PALM2AKAP2: variants seen among roughly 807,000 people sequenced by gnomAD.
PALM2AKAP2 encodes the protein PALM2 and AKAP2 fusion.
PALM2AKAP2 carries 37 observed loss-of-function variants against 71.5 expected under a neutral mutation model. The ratio of observed to expected loss-of-function variants is 0.52; its 90% CI spans 0.40 to 0.68. The LOEUF (loss-of-function observed/expected upper bound fraction) is 0.68, where lower values mean the gene tolerates loss of function less well. Among genes scored for constraint, PALM2AKAP2 ranks in the 30% least tolerant of loss-of-function variants. The pLI is 0.00. For synonymous variants in PALM2AKAP2, 468 were observed against 478.8 expected, an observed-to-expected ratio of 0.98 and a Z score of 0.29; for missense variants, 1,224 against 1,191.8, an observed-to-expected ratio of 1.03 and a Z score of -0.40.
At chr9:110,034,538 A>T (rs1486715523) in intron 7 of PALM2AKAP2, among the ~76,000 whole-genome samples, 4 of 151,964 alleles carry the variant, frequency 2.6e-5, no homozygotes, top group African/African-American at 7.2e-5. Context: ...TCCACAGCAT[A>T]GAAAAGACCA....
chr9:109,943,643 C>A, intron 6 of PALM2AKAP2: 2 of 585,486 alleles, frequency 3.4e-6, no homozygotes, highest in Non-Finnish European at 5.8e-6. Context: ...TGCTTTTCCT[C>A]TAAACCTTTC....
rs71373964 is a variant in PALM2AKAP2 at position 110,088,703 on chromosome 9, GTTTTTTT to G, written c.156+39874_156+39880del. Among the ~76,000 whole-genome samples, 8 of 75,570 alleles carry G rather than the reference GTTTTTTT, an allele frequency of 1.1e-4. No homozygotes were observed. In the South Asian group the frequency reaches 2.4e-3, roughly 23 times the overall value. The allele number at this position is 75,570 out of a possible 152,430, so 49.6% of individuals were successfully genotyped here. ...TAGCTATTAAAGTTTGCATTTACGT[GTTTTTTT>G]TTTTTTTTTTTTTTTTTTTTTTTTT... On this transcript the variant is annotated intron_variant, in intron 1 of 3. Transcript: ENST00000374525.
At chr9:109,891,656 G>A (rs927174681) in intron 3 of PALM2AKAP2, among the ~76,000 whole-genome samples, 1 of 152,086 alleles carries the variant, frequency 6.6e-6, no homozygotes, top group Non-Finnish European at 1.5e-5. Flanking sequence ...ATGCCAGGCT[G>A]ATGTTTGTAT....
At chr9:109,691,867 TACACACAC>T (rs368555887) in intron 1 of PALM2AKAP2, among the ~76,000 whole-genome samples, 24 of 51,450 alleles carry the variant, frequency 4.7e-4, no homozygotes, top group South Asian at 6.8e-4. Flanking sequence ...TATATATATA[TACACACAC>T]ACACACATAT....
chr9:109,872,311 T>C (rs1829619505), intron 2 of PALM2AKAP2, among the ~76,000 whole-genome samples: 3 of 152,316 alleles, frequency 2.0e-5, no homozygotes, highest in Admixed American at 1.3e-4. Context: ...TACTATATCA[T>C]ACTAGAGCAG....
intron 1 of PALM2AKAP2, among the ~76,000 whole-genome samples, chr9:109,727,889 A>G (rs962248819): frequency 2.0e-5 from 3 of 152,214 alleles, no homozygotes; most frequent in Non-Finnish European, 4.4e-5. Context: ...AACTAACTAT[A>G]TGTTCTTCTA....
intron 7 of PALM2AKAP2, among the ~76,000 whole-genome samples, chr9:110,033,278 C>A (rs1019324466): frequency 1.3e-5 from 2 of 152,196 alleles, no homozygotes; most frequent in African/African-American, 2.4e-5. Flanking sequence ...AAATCTTTTT[C>A]TCTTTTAAAT....
chr9:109,949,216 G>C (rs1177336613), intron 6 of PALM2AKAP2, among the ~76,000 whole-genome samples: 1 of 152,210 alleles, frequency 6.6e-6, no homozygotes, highest in Non-Finnish European at 1.5e-5. Flanking sequence ...CAGGCCACAT[G>C]GAGCGCATGA....
At chr9:110,039,834 A>G (rs1406263451) in intron 7 of PALM2AKAP2, among the ~76,000 whole-genome samples, 1 of 152,182 alleles carries the variant, frequency 6.6e-6, no homozygotes, top group East Asian at 1.9e-4. Context: ...TGTGGGAATC[A>G]CAAACTGTTT....
intron 1 of PALM2AKAP2, among the ~76,000 whole-genome samples, chr9:109,743,739 A>G (rs1564131889): frequency 6.6e-6 from 1 of 152,184 alleles, no homozygotes; most frequent in Non-Finnish European, 1.5e-5. Context: ...GTTTGTGTGC[A>G]ACGTCTTAAT....
chr9:109,966,015 G>A (rs933418947), intron 6 of PALM2AKAP2, among the ~76,000 whole-genome samples: 24 of 152,274 alleles, frequency 1.6e-4, no homozygotes, highest in African/African-American at 5.1e-4. Flanking sequence ...ATGGGGACCC[G>A]GTGATGATGT....
chr9:109,919,624 T>G (rs185027725), intron 3 of PALM2AKAP2, among the ~76,000 whole-genome samples: 51 of 152,010 alleles, frequency 3.4e-4, no homozygotes, highest in East Asian at 1.5e-3. Flanking sequence ...GGGATATATA[T>G]AAATACATTA....
chr9:109,956,010 A>AT (rs879853381), intron 6 of PALM2AKAP2, among the ~76,000 whole-genome samples: 2,291 of 143,532 alleles, frequency 0.016, 18 homozygotes, highest in Middle Eastern at 0.028. Context: ...GGAAAGACTA[A>AT]TTTTTTTTTT....
intron 6 of PALM2AKAP2, among the ~76,000 whole-genome samples, chr9:109,998,972 T>C (rs1245961282): frequency 6.6e-6 from 1 of 152,070 alleles, no homozygotes; most frequent in Non-Finnish European, 1.5e-5. Flanking sequence ...GAGCTCCCAC[T>C]GTGTGCCAGC....
intron 1 of PALM2AKAP2, among the ~76,000 whole-genome samples, chr9:109,718,311 C>A (rs1285656892): frequency 6.6e-6 from 1 of 152,146 alleles, no homozygotes; most frequent in Non-Finnish European, 1.5e-5. Flanking sequence ...AACTCCTGAG[C>A]TCAAGAGATC....
At chr9:110,031,894 A>T (rs988312917) in intron 7 of PALM2AKAP2, among the ~76,000 whole-genome samples, 3 of 152,104 alleles carry the variant, frequency 2.0e-5, no homozygotes, top group Admixed American at 6.5e-5. Flanking sequence ...GTGGGATAAG[A>T]TTTGATTTTC....
intron 6 of PALM2AKAP2, among the ~76,000 whole-genome samples, chr9:110,010,346 G>A (rs1169573238): frequency 2.0e-5 from 3 of 151,464 alleles, no homozygotes; most frequent in Non-Finnish European, 4.4e-5. Flanking sequence ...TCAGCAAAGG[G>A]AGAAGAGGAA....
intron 1 of PALM2AKAP2, among the ~76,000 whole-genome samples, chr9:109,854,601 TCTAGATACAAC>T (rs1423944320): frequency 6.6e-6 from 1 of 152,110 alleles, no homozygotes; most frequent in African/African-American, 2.4e-5. Context: ...AATCCTACCA[TCTAGATACAAC>T]CTATGTTGAT....
At chr9:110,039,597 T>C (rs930623664) in intron 7 of PALM2AKAP2, among the ~76,000 whole-genome samples, 1 of 152,198 alleles carries the variant, frequency 6.6e-6, no homozygotes, top group African/African-American at 2.4e-5. Context: ...TTGGGCAACA[T>C]GTAACTTTCC....
Sources: gnomAD v4.1 joint callset for allele counts (sites outside exome capture counted in the v4.1 genomes callset) on GRCh38, gnomAD v4.1.1 for gene constraint, MANE v1.5 for transcripts, NCBI Gene and HGNC (gene_info 2026-07-23, HGNC 2026-07-21) for gene names.